Variants in PLXNA4 observed in about 807,000 individuals in gnomAD.
The protein encoded by PLXNA4 is plexin A4.
PLXNA4 carries 44 observed loss-of-function variants against 191.8 expected under a neutral mutation model. The observed-to-expected ratio is 0.23, with a 90% CI of 0.18 to 0.29. The LOEUF is 0.29. PLXNA4 is among the 10% of genes least tolerant of loss of function. The probability of loss-of-function intolerance (pLI) is 1.00; values close to 1 mark genes in which losing one functional copy is unlikely to be tolerated. For synonymous variants in PLXNA4, 1,082 were observed against 1,009.5 expected, an observed-to-expected ratio of 1.07 and a Z score of -1.36; for missense variants, 1,800 against 2,488.8, an observed-to-expected ratio of 0.72 and a Z score of 5.89.
chr7:132,165,170 G>T lies in PLXNA4; in HGVS notation c.4317C>A (p.Thr1439=). The change falls in exon 23 of 32, where the codon ACC becomes ACA. Residue 1439 remains threonine (T), a synonymous_variant. Coordinates refer to ENST00000321063, the MANE Select transcript of PLXNA4 (RefSeq NM_020911.2). The stretch of plus-strand genomic sequence containing the variant: ...TGTAGAGGAGGAAAGTAAACCAATT[G>T]GTCAGCATCTTCTCAGCCACTGACT... ...RTESVAEKML[T]NWFTFLLYKF... is the part of the protein sequence containing the mutation. The T allele has an allele frequency of 6.2e-7, 1 of 1,613,344 alleles. No homozygotes were observed. The highest frequency in any genetic ancestry group is 8.5e-7 in the Non-Finnish European group (1 of 1,179,514).
chr7:132,588,342 C>T (rs1563188057), intron 2 of PLXNA4, among the ~76,000 whole-genome samples: 1 of 152,002 alleles, frequency 6.6e-6, no homozygotes, highest in Non-Finnish European at 1.5e-5. Context: ...ATTATTCTGT[C>T]ATCAATGCAC....
rs1487021361 is a variant in PLXNA4 at position 132,185,402 on chromosome 7, C to A, written c.3055G>T (p.Val1019Leu). The A allele has an allele frequency of 1.2e-6, 2 of 1,614,108 alleles. No individual in the cohort carries two copies. Among genetic ancestry groups the A allele is most frequent in the Admixed American group, 3.3e-5 (2 of 60,026 alleles). Residue 1019 changes from valine (V) to leucine (L), a missense_variant, in exon 16 of 32, where the codon GTG becomes TTG. Around this residue, in one of 6 missense-constraint regions of PLXNA4, gnomAD observed 1,397 missense variants for 1,880.4 expected, o/e 0.74. Transcript: ENST00000321063. ...TSSDEVLEMK[V>L]SVQVDRAKIH... ...TTGGCCCTGTCCACCTGCACCGACA[C>A]CTTCATCTCTAGCACCTCATCTGAG... is the stretch of plus-strand genomic sequence containing the variant.
At chr7:132,645,856 CTG>C (rs1169911410) in intron 2 of PLXNA4, 1 of 152,600 alleles carries the variant, frequency 6.6e-6, no homozygotes, top group Non-Finnish European at 1.5e-5. Flanking sequence ...GAGAACAGGA[CTG>C]TAAAGAGAGA....
intron 1 of PLXNA4, among the ~76,000 whole-genome samples, chr7:132,560,602 C>T (rs1800996036): frequency 6.6e-6 from 1 of 152,048 alleles, no homozygotes; most frequent in Admixed American, 6.5e-5. Flanking sequence ...GCCTTGTATC[C>T]GCCGGCCTCC....
At chr7:132,205,758 T>G (rs781049944) in intron 10 of PLXNA4, among the ~76,000 whole-genome samples, 1 of 152,104 alleles carries the variant, frequency 6.6e-6, no homozygotes, top group Non-Finnish European at 1.5e-5. Context: ...GTAGGAGGGA[T>G]GCTGACAGTG....
intron 2 of PLXNA4, among the ~76,000 whole-genome samples, chr7:132,634,718 C>T (rs1803561094): frequency 6.6e-6 from 1 of 152,222 alleles, no homozygotes. Flanking sequence ...CTGAGATCCC[C>T]TTCTGGCCAC....
At chr7:132,543,991 T>A (rs777989114) in intron 1 of PLXNA4, among the ~76,000 whole-genome samples, 4 of 152,084 alleles carry the variant, frequency 2.6e-5, no homozygotes, top group Non-Finnish European at 5.9e-5. Flanking sequence ...AACTAGAAGA[T>A]GGTAACAGAA....
intron 2 of PLXNA4, among the ~76,000 whole-genome samples, chr7:132,610,769 C>G (rs912838561): frequency 6.6e-6 from 1 of 152,238 alleles, no homozygotes; most frequent in Non-Finnish European, 1.5e-5. Flanking sequence ...CTCTTCTCCT[C>G]CCAGTTTCTG....
rs368857361 is a variant in PLXNA4 at position 132,129,382 on chromosome 7, T to G, written c.*1097A>C. 6.6e-6 allele frequency: 1 copy of G among 152,352 alleles called. No individual in the cohort carries two copies. The highest frequency in any genetic ancestry group is 2.4e-5 in the African/African-American group (1 of 41,568). 9.4% of individuals were successfully genotyped at this position (152,352 alleles called of 1,614,324 possible). ...CGGATTCTGCAGAGGGAACAGGGAC[T>G]AGGCTGTTGGCCCCAGCCGTCTATG... is the stretch of plus-strand genomic sequence containing the variant. On this transcript the variant is annotated 3_prime_UTR_variant, in exon 32 of 32. Coordinates refer to ENST00000321063, the MANE Select transcript of PLXNA4 (RefSeq NM_020911.2).
At chr7:132,325,059 C>A (rs1002544053) in intron 3 of PLXNA4, among the ~76,000 whole-genome samples, 6 of 152,172 alleles carry the variant, frequency 3.9e-5, no homozygotes, top group African/African-American at 1.4e-4. Context: ...CATCAGACAC[C>A]TGCCCCCACC....
intron 24 of PLXNA4, among the ~76,000 whole-genome samples, chr7:132,160,750 T>G (rs1795926237): frequency 6.6e-6 from 1 of 152,120 alleles, no homozygotes; most frequent in Non-Finnish European, 1.5e-5. Context: ...CCATAAGCAT[T>G]TCCCAATTGT....
chr7:132,450,184 G>A (rs113559099), intron 3 of PLXNA4, among the ~76,000 whole-genome samples: 1,950 of 152,276 alleles, frequency 0.013, 27 homozygotes, highest in African/African-American at 0.027. Context: ...AGATGGGATC[G>A]GGATGTAGGT....
intron 22 of PLXNA4, among the ~76,000 whole-genome samples, chr7:132,165,833 C>T (rs1022855946): frequency 1.3e-5 from 2 of 152,110 alleles, no homozygotes; most frequent in Non-Finnish European, 1.5e-5. Flanking sequence ...AGTCCACAGC[C>T]TCAGCTAAAG....
intron 4 of PLXNA4, among the ~76,000 whole-genome samples, chr7:132,292,742 T>C (rs536891416): frequency 2.5e-4 from 38 of 152,262 alleles, no homozygotes; most frequent in Admixed American, 9.2e-4. Context: ...GGATGGGAAA[T>C]AAACAGGTAA....
intron 3 of PLXNA4, among the ~76,000 whole-genome samples, chr7:132,460,562 C>T (rs2117355528): frequency 6.6e-6 from 1 of 152,192 alleles, no homozygotes; most frequent in Admixed American, 6.5e-5. Flanking sequence ...CAGCTGGAAA[C>T]CAAATCAAGT....
At chr7:132,553,441 C>A (rs1800654211) in intron 1 of PLXNA4, among the ~76,000 whole-genome samples, 1 of 152,110 alleles carries the variant, frequency 6.6e-6, no homozygotes, top group Admixed American at 6.5e-5. Context: ...GGAGAGCTTC[C>A]TGACAGGGTA....
intron 3 of PLXNA4, among the ~76,000 whole-genome samples, chr7:132,381,887 G>A (rs1330352219): frequency 6.6e-6 from 1 of 152,222 alleles, no homozygotes; most frequent in African/African-American, 2.4e-5. Flanking sequence ...AGGAGCCAGA[G>A]GCGTCTGGTC....
chr7:132,381,849 C>T (rs1412030295), intron 3 of PLXNA4, among the ~76,000 whole-genome samples: 4 of 152,206 alleles, frequency 2.6e-5, no homozygotes, highest in African/African-American at 7.2e-5. Context: ...TGGTGGGCAT[C>T]CCCTGCAGCC....
At chr7:132,438,954 G>A (rs1795582604) in intron 3 of PLXNA4, among the ~76,000 whole-genome samples, 1 of 152,168 alleles carries the variant, frequency 6.6e-6, no homozygotes, top group African/African-American at 2.4e-5. Flanking sequence ...ACATTGAGAT[G>A]AACTGTCACG....
Sources: gnomAD v4.1 joint callset for allele counts (sites outside exome capture counted in the v4.1 genomes callset) on GRCh38, gnomAD v4.1.1 for gene constraint, gnomAD v4.1.1 regional missense constraint, MANE v1.5 for transcripts, NCBI Gene and HGNC (gene_info 2026-07-23, HGNC 2026-07-21) for gene names.